Variants in NRP2 observed in about 807,000 individuals in gnomAD.
NRP2 encodes the protein neuropilin 2.
In NRP2, 52 loss-of-function variants were observed where a neutral mutation model predicts 110.4. That is an observed-to-expected ratio of 0.47 (90% CI 0.38 to 0.59). NRP2 has a LOEUF of 0.59. Ranked by LOEUF, NRP2 falls within the 20% of genes least tolerant of loss-of-function variation. The pLI, the probability that NRP2 is intolerant of heterozygous loss-of-function variation, is 0.00. For missense variants in NRP2, 1,049 were observed against 1,203.0 expected, an observed-to-expected ratio of 0.87 and a Z score of 1.89; for synonymous variants, 508 against 468.9, an observed-to-expected ratio of 1.08 and a Z score of -1.08.
chr2:205,784,091 A>G (rs1201267189), intron 15 of NRP2, among the ~76,000 whole-genome samples: 2 of 152,138 alleles, frequency 1.3e-5, no homozygotes, highest in African/African-American at 4.8e-5. Flanking sequence ...AACATTCCCC[A>G]AAACAAAGGC....
Position 205,743,353 on chromosome 2 carries a change from C to A in NRP2, c.1442C>A (p.Ala481Asp), listed in dbSNP as rs942098396. The change falls in exon 9 of 17, where the codon GCC (alanine) becomes GAC (aspartate). Residue 481 changes from alanine to aspartate, a missense_variant. Ala to Asp is a moderately radical substitution (Grantham distance 126). Coordinates refer to ENST00000357785, the MANE Select transcript of NRP2 (RefSeq NM_003872.3). ...GGCTGGTTCCCTCGAATCCCTCAGG[C>A]CCAGCCCGGTGAGGAGTGGCTTCAG... The part of the protein sequence containing the change: ...RSGWFPRIPQ[A>D]QPGEEWLQVD... 1 of 1,614,216 alleles carries A rather than the reference C, an allele frequency of 6.2e-7. No individual in the cohort carries two copies. Among genetic ancestry groups the A allele is most frequent in the African/African-American group, 1.3e-5 (1 of 75,044 alleles).
chr2:205,752,998 T>C, intron 12 of NRP2, 23 bp downstream of exon 12: 7 of 1,612,432 alleles, frequency 4.3e-6, no homozygotes, highest in East Asian at 2.2e-5. Flanking sequence ...TGAGTGAAGA[T>C]ATGAAAGAGT....
intron 15 of NRP2, among the ~76,000 whole-genome samples, chr2:205,785,074 A>G (rs950316108): frequency 6.6e-6 from 1 of 152,224 alleles, no homozygotes; most frequent in Non-Finnish European, 1.5e-5. Flanking sequence ...AGAAGAGCCC[A>G]TCTTTTAAGT....
At chr2:205,724,777 G>A (rs1046666453) in intron 5 of NRP2, among the ~76,000 whole-genome samples, 7 of 143,384 alleles carry the variant, frequency 4.9e-5, no homozygotes, top group East Asian at 2.1e-4. Flanking sequence ...AGCAATTCTC[G>A]TGTCTCAGCC....
chr2:205,740,396 ATTATT>A, intron 7 of NRP2, 118 bp from the exon 8 acceptor site: 1 of 1,007,530 alleles, frequency 9.9e-7, no homozygotes, highest in Non-Finnish European at 1.6e-6. Flanking sequence ...ATACCCACTG[ATTATT>A]TTTAAGCTTG....
Position 205,683,271 on chromosome 2 carries a change from A to G in NRP2, c.-20A>G. On this transcript the variant is annotated 5_prime_UTR_variant, in exon 1 of 17. Transcript: ENST00000357785. ...AAGAAACCTACGAACCCAGCTCTGG[A>G]AAGAGCCACCTTCTCCAAAATGGAT... 6.3e-7 allele frequency: 1 copy of G among 1,597,994 alleles called. No individual in the cohort carries two copies. The highest frequency in any genetic ancestry group is 1.3e-5 in the African/African-American group (1 of 74,738).
intron 12 of NRP2, among the ~76,000 whole-genome samples, chr2:205,753,231 G>GTTCTCCTCTTTCT (rs1346752915): frequency 1.3e-5 from 2 of 152,104 alleles, no homozygotes; most frequent in African/African-American, 4.8e-5. Flanking sequence ...GAAGAAAGAG[G>GTTCTCCTCTTTCT]AGAAAGAAAA....
At chr2:205,781,250 A>G (rs373228958) in intron 15 of NRP2, among the ~76,000 whole-genome samples, 5 of 152,362 alleles carry the variant, frequency 3.3e-5, no homozygotes, top group Admixed American at 2.6e-4. Flanking sequence ...TAGGACTCCA[A>G]TCTTAGATGT....
chr2:205,766,251 C>A (rs1283777191), intron 14 of NRP2, among the ~76,000 whole-genome samples: 5 of 152,208 alleles, frequency 3.3e-5, no homozygotes, highest in Non-Finnish European at 7.4e-5. Flanking sequence ...TGAGGTCACC[C>A]TGGCTGTGTC....
chr2:205,713,029 G>A (rs1202704018), intron 2 of NRP2, among the ~76,000 whole-genome samples: 1 of 152,226 alleles, frequency 6.6e-6, no homozygotes, highest in East Asian at 1.9e-4. Context: ...ACATAAGGAT[G>A]TATTTGTTGC....
chr2:205,729,561 C>G (rs1045768490), intron 7 of NRP2, among the ~76,000 whole-genome samples: 1 of 152,144 alleles, frequency 6.6e-6, no homozygotes, highest in African/African-American at 2.4e-5. Context: ...GGGTGGTCCC[C>G]GGGGAGAGGA....
chr2:205,790,624 G>A (rs1269403725), intron 15 of NRP2, among the ~76,000 whole-genome samples: 1 of 151,130 alleles, frequency 6.6e-6, no homozygotes, highest in Non-Finnish European at 1.5e-5. Flanking sequence ...ATTAATTGTT[G>A]GAAATGTGAC....
intron 15 of NRP2, among the ~76,000 whole-genome samples, chr2:205,781,412 T>C (rs945708738): frequency 2.0e-5 from 3 of 152,258 alleles, no homozygotes; most frequent in African/African-American, 4.8e-5. Context: ...TGGTTCTTTG[T>C]GATGGTTTCA....
At chr2:205,709,649 T>C (rs1004657327) in intron 2 of NRP2, among the ~76,000 whole-genome samples, 3 of 152,260 alleles carry the variant, frequency 2.0e-5, no homozygotes, top group Non-Finnish European at 4.4e-5. Context: ...CCGTTAACAG[T>C]AATTTAACGT....
intron 7 of NRP2, among the ~76,000 whole-genome samples, chr2:205,730,731 A>C (rs2057221835): frequency 6.6e-6 from 1 of 152,190 alleles, no homozygotes; most frequent in Admixed American, 6.5e-5. Context: ...GAATTGGGGA[A>C]GTCAGAGAAA....
At chr2:205,784,514 G>A (rs537889232) in intron 15 of NRP2, among the ~76,000 whole-genome samples, 65 of 152,306 alleles carry the variant, frequency 4.3e-4, no homozygotes, top group African/African-American at 1.5e-3. Context: ...ATGGGTGTGT[G>A]AAAGGAGCCC....
rs55976656 is a variant in NRP2, at chr2:205,743,740, T to TTTTGTTTG, written c.1641+204_1641+211dup. On this transcript the variant is annotated intron_variant, in intron 9 of 16. Coordinates refer to ENST00000357785, the MANE Select transcript of NRP2 (RefSeq NM_003872.3). ...GTGCTAAATACCTTATTTCTGACTC[T>TTTTGTTTG]TTTGTTTGTTTGTTTGTTTGTTTTT... The TTTTGTTTG allele has an allele frequency of 3.7e-4, 361 of 978,848 alleles. 2 individuals are homozygous for TTTTGTTTG. The East Asian group carries it at 3.8e-3, about 10-fold the overall frequency. 60.6% of individuals were successfully genotyped at this position (978,848 alleles called of 1,614,324 possible). A position where few individuals can be genotyped will look rare whatever the true frequency, so the allele number is the denominator to read the frequency against.
rs1444685973 is a variant in NRP2, at chr2:205,740,652, G to A, written c.1280G>A (p.Cys427Tyr). The A allele has an allele frequency of 6.2e-7, 1 of 1,614,108 alleles. No homozygotes were observed. Among genetic ancestry groups the A allele is most frequent in the South Asian group, 1.1e-5 (1 of 91,084 alleles). ...GCCCTCCGGCTGGAGCTCTTCGGCT[G>A]CCGGGTCACAGGTGAGGTGGGGGCT... ...GIALRLELFG[C>Y]RVTDAPCSNM... Residue 427 changes from cysteine (C) to tyrosine (Y), a missense_variant, in exon 8 of 17, where the codon TGC (cysteine) becomes TAC (tyrosine). Coordinates refer to ENST00000357785, the MANE Select transcript of NRP2 (RefSeq NM_003872.3).
chr2:205,707,057 C>G (rs2056693490), intron 2 of NRP2, among the ~76,000 whole-genome samples: 1 of 152,210 alleles, frequency 6.6e-6, no homozygotes, highest in South Asian at 2.1e-4. Flanking sequence ...CATGTCCTTT[C>G]TAAACATCTT....
Sources: gnomAD v4.1 joint callset for allele counts (sites outside exome capture counted in the v4.1 genomes callset) on GRCh38, gnomAD v4.1.1 for gene constraint, MANE v1.5 for transcripts, NCBI Gene and HGNC (gene_info 2026-07-23, HGNC 2026-07-21) for gene names.